The following CCDC14 variants were observed in gnomAD, a reference collection of about 807,000 sequenced individuals.
The protein encoded by CCDC14 is coiled-coil domain containing 14, also known as coiled-coil domain-containing protein 14.
In CCDC14, 71 loss-of-function variants were observed where a neutral mutation model predicts 81.4. That is an observed-to-expected ratio of 0.87 (90% CI 0.72 to 1.06). The LOEUF is 1.06. Ranked by LOEUF, CCDC14 falls within the 50% of genes least tolerant of loss-of-function variation. The pLI, the probability that CCDC14 is intolerant of heterozygous loss-of-function variation, is 0.00. For missense variants in CCDC14, 1,046 were observed against 1,047.3 expected (o/e 1.00, Z 0.02); for synonymous variants, 332 against 364.8 (o/e 0.91, Z 1.03).
intron 5 of CCDC14, chr3:123,897,693 T>C (rs910263426): frequency 1.6e-6 from 1 of 632,884 alleles, no homozygotes; most frequent in African/African-American, 2.0e-5. Context: ...TCTGTCATCC[T>C]TCCTTCATAT....
chr3:123,960,647 A>C (rs1437871543), intron 1 of CCDC14, among the ~76,000 whole-genome samples: 1 of 152,204 alleles, frequency 6.6e-6, no homozygotes, highest in Non-Finnish European at 1.5e-5. Flanking sequence ...GATGGTGGCA[A>C]ACTACGTGTT....
chr3:123,886,873 A>G, the CCDC14 span, among the ~76,000 whole-genome samples: 53 of 152,212 alleles, frequency 3.5e-4, no homozygotes, highest in African/African-American at 1.1e-3. Flanking sequence ...TCATCAGTTT[A>G]TATTATTTCC....
In CCDC14 at chr3:123,961,143, C is replaced by G. The variant is rs764465832; in HGVS notation, c.30+1G>C. ...GGACTCCTCAGGTCCTCAGCCCTCA[C>G]CTGGCCCGGTCGAGCTCCAGACCTG... is the stretch of plus-strand genomic sequence containing the variant. On this transcript the variant is annotated splice_donor_variant, in intron 1 of 12. Transcript: ENST00000409697. LOFTEE classifies it high-confidence loss of function. 7 of 1,551,374 alleles carry G rather than the reference C, an allele frequency of 4.5e-6. No individual in the cohort carries two copies. The African/African-American group carries it at 8.2e-5, about 18-fold the overall frequency.
rs2035684642 is a variant in CCDC14, at chr3:123,931,254, A to C, written c.1646-20T>G. On this transcript the variant is annotated intron_variant, in intron 11 of 12. Coordinates refer to ENST00000409697, the MANE Select transcript of CCDC14 (RefSeq NM_001366335.1). ...CCAATTCTAAAACAACAAAAGTTTC[A>C]GTTTCCTTATTCCTTTTAAAAGATG... The C allele has an allele frequency of 2.5e-6, 4 of 1,591,986 alleles. No homozygotes were observed. The African/African-American group carries it at 5.4e-5, about 22-fold the overall frequency.
chr3:123,936,410 A>G (rs1356474447), intron 9 of CCDC14, among the ~76,000 whole-genome samples: 1 of 152,106 alleles, frequency 6.6e-6, no homozygotes, highest in Admixed American at 6.6e-5. Flanking sequence ...TAAAACTGAC[A>G]TACTATAAAC....
At chr3:123,892,056 G>A in the CCDC14 span, among the ~76,000 whole-genome samples, 135 of 152,286 alleles carry the variant, frequency 8.9e-4, no homozygotes, top group African/African-American at 3.0e-3. Flanking sequence ...CAGGTCTCGT[G>A]AGACCCACTA....
At chr3:123,943,361 G>A (rs1043499970) in intron 9 of CCDC14, among the ~76,000 whole-genome samples, 20 of 152,090 alleles carry the variant, frequency 1.3e-4, no homozygotes, top group African/African-American at 4.8e-4. Context: ...TCAGAAGCAG[G>A]CCTCAGAAAA....
At chr3:123,957,027 C>A (rs552912940) in intron 1 of CCDC14, 1 of 312,752 alleles carries the variant, frequency 3.2e-6, no homozygotes, top group Non-Finnish European at 5.8e-6. Flanking sequence ...TGAAATAATA[C>A]AATATTTGTT....
chr3:123,914,304 C>A lies in CCDC14; in HGVS notation c.*475G>T, dbSNP rs1014649756. 6 of 984,262 alleles carry A rather than the reference C, an allele frequency of 6.1e-6. No individual in the cohort carries two copies. The African/African-American group carries it at 1.1e-4, about 17-fold the overall frequency. 61.0% of individuals were successfully genotyped at this position (984,262 alleles called of 1,614,324 possible). On this transcript the variant is annotated 3_prime_UTR_variant, in exon 13 of 13. Coordinates refer to ENST00000409697, the MANE Select transcript of CCDC14 (RefSeq NM_001366335.1). ...TTTAAATAAATGTTTATATATTTCA[C>A]CAACAACACTGGCCTGTGGCACACA... is the stretch of plus-strand genomic sequence containing the variant.
rs181151838 is a variant in CCDC14 at position 123,933,809 on chromosome 3, T to A, written c.1344-54A>T. ...CAAGCATACCAAGCCAATTTAATAG[T>A]ATACATGTGATAGCCTATCAAAAAA... is the stretch of plus-strand genomic sequence containing the variant. On this transcript the variant is annotated intron_variant, in intron 9 of 12. Coordinates refer to ENST00000409697, the MANE Select transcript of CCDC14 (RefSeq NM_001366335.1). 3 of 1,177,530 alleles carry A rather than the reference T, an allele frequency of 2.5e-6. No homozygotes were observed. The East Asian group carries it at 7.6e-5, about 30-fold the overall frequency. The allele number at this position is 1,177,530 out of a possible 1,614,324, so 72.9% of individuals were successfully genotyped here.
At chr3:123,889,212 C>T in the CCDC14 span, among the ~76,000 whole-genome samples, 1 of 152,134 alleles carries the variant, frequency 6.6e-6, no homozygotes, top group African/African-American at 2.4e-5. Flanking sequence ...GAGTTCAAGA[C>T]CAGCCTGGGC....
At chr3:123,937,043 ATAGTTCTTAC>A (rs1268502130) in intron 9 of CCDC14, among the ~76,000 whole-genome samples, 1 of 152,088 alleles carries the variant, frequency 6.6e-6, no homozygotes, top group Non-Finnish European at 1.5e-5. Context: ...GCATGTATCA[ATAGTTCTTAC>A]CCTTTTATTG....
rs1011414877 is a variant in CCDC14 at position 123,959,182 on chromosome 3, T to A, written c.30+1962A>T. Among the ~76,000 whole-genome samples the A allele has an allele frequency of 2.0e-5, 3 of 152,226 alleles. 1 individual carries two copies. Among genetic ancestry groups the A allele is most frequent in the Non-Finnish European group, 4.4e-5 (3 of 68,024 alleles). On this transcript the variant is annotated intron_variant, in intron 1 of 12. Transcript: ENST00000409697. ...CCAGAAGTAGAATTGCTGGGTGATA[T>A]AGTTCTATATTTAATTTGGTGAGGA...
chr3:123,931,661 A>C (rs886540865), intron 10 of CCDC14, 135 bp from the exon 11 acceptor site: 5 of 568,006 alleles, frequency 8.8e-6, no homozygotes, highest in East Asian at 5.9e-5. Context: ...TTGCATGAGC[A>C]GTTCTACATA....
the CCDC14 span, among the ~76,000 whole-genome samples, chr3:123,887,487 A>AAAAAC: frequency 2.0e-5 from 3 of 152,204 alleles, no homozygotes; most frequent in African/African-American, 7.2e-5. Context: ...CAACAAAAAA[A>AAAAAC]AAAAACACAA....
At chr3:123,906,100 C>T (rs759936057) in intron 5 of CCDC14, among the ~76,000 whole-genome samples, 2 of 152,194 alleles carry the variant, frequency 1.3e-5, no homozygotes, top group Middle Eastern at 6.8e-3. Context: ...GAGGCCAAGG[C>T]GGGTGGATCA....
intron 12 of CCDC14, among the ~76,000 whole-genome samples, chr3:123,927,572 C>A (rs974050473): frequency 2.0e-5 from 3 of 152,086 alleles, no homozygotes; most frequent in Admixed American, 6.5e-5. Context: ...CATAAGAGTG[C>A]AGTCAATCTG....
At chr3:123,930,915 G>T in intron 12 of CCDC14, 187 bp downstream of exon 12, 1 of 540,212 alleles carries the variant, frequency 1.9e-6, no homozygotes. Flanking sequence ...AAAACATTTC[G>T]CCAGGTTTGA....
Position 123,949,101 on chromosome 3 carries a change from A to T in CCDC14, c.384T>A (p.Asn128Lys), listed in dbSNP as rs2036855366. The T allele has an allele frequency of 6.2e-7, 1 of 1,608,288 alleles. No homozygotes were observed. The highest frequency in any genetic ancestry group is 1.3e-5 in the African/African-American group (1 of 74,886). The change falls in exon 6 of 13, where the codon AAT (asparagine) becomes AAA (lysine). Residue 128 changes from asparagine (N) to lysine (K), a missense_variant. Coordinates refer to ENST00000409697, the MANE Select transcript of CCDC14 (RefSeq NM_001366335.1). ...CTCTTTCACTTCTAGCAGAAGCTTC[A>T]TTAGGTATCTGTTTCTTATTATCTG... Reference protein sequence around the residue: ...SSSDNKKQIPNEASARSERDT... With the variant: ...SSSDNKKQIPKEASARSERDT...
Sources: gnomAD v4.1 joint callset for allele counts (sites outside exome capture counted in the v4.1 genomes callset) on GRCh38, gnomAD v4.1.1 for gene constraint, MANE v1.5 for transcripts, NCBI Gene and HGNC (gene_info 2026-07-23, HGNC 2026-07-21) for gene names.